Variants in KALRN observed in about 807,000 individuals in gnomAD.
KALRN encodes the protein kalirin RhoGEF kinase.
Under a neutral mutation model 353.7 loss-of-function variants are expected in KALRN, and 70 were observed. The ratio of observed to expected loss-of-function variants is 0.20; its 90% confidence interval spans 0.16 to 0.24. The LOEUF (loss-of-function observed/expected upper bound fraction) is 0.24, where lower values mean the gene tolerates loss of function less well. Ranked by LOEUF, KALRN falls within the 10% of genes least tolerant of loss-of-function variation. The probability of loss-of-function intolerance (pLI) is 1.00; values close to 1 mark genes in which losing one functional copy is unlikely to be tolerated. For missense variants in KALRN, 2,791 were observed against 3,756.7 expected (o/e 0.74, Z 6.72); for synonymous variants, 1,391 against 1,434.8 (o/e 0.97, Z 0.69).
At chr3:124,368,742 A>G (rs2085378378) in intron 10 of KALRN, among the ~76,000 whole-genome samples, 2 of 150,284 alleles carry the variant, frequency 1.3e-5, no homozygotes, top group African/African-American at 4.9e-5. Context: ...GTGAGCCGAG[A>G]TCACGCCACT....
At chr3:124,489,990 A>G (rs556717279) in intron 29 of KALRN, among the ~76,000 whole-genome samples, 1 of 152,368 alleles carries the variant, frequency 6.6e-6, no homozygotes, top group Admixed American at 6.5e-5. Context: ...AAGGTAGGTC[A>G]GGCACAGTGG....
rs76182557 is a variant in KALRN, at chr3:124,467,218, C to T, written c.4031+4585C>T. Among the ~76,000 whole-genome samples the T allele has an allele frequency of 4.9e-3, 752 of 152,286 alleles. 5 individuals are homozygous for T. Among genetic ancestry groups the T allele is most frequent in the African/African-American group, 0.017 (716 of 41,552 alleles). ...GCCAGGAGCAGTGAGGGGTGAGCAG[C>T]AGGGGTAAAATCGAGGCTGGGGAAT... On this transcript the variant is annotated intron_variant, in intron 25 of 59. Transcript: ENST00000682506.
At chr3:124,522,376 A>C (rs2067235901) in intron 33 of KALRN, among the ~76,000 whole-genome samples, 1 of 152,114 alleles carries the variant, frequency 6.6e-6, no homozygotes, top group East Asian at 1.9e-4. Context: ...TAAGTGTGAC[A>C]GTGCATTTGA....
chr3:124,067,886 GAC>G (rs775817411), intron 1 of KALRN, among the ~76,000 whole-genome samples: 1 of 152,250 alleles, frequency 6.6e-6, no homozygotes, highest in Non-Finnish European at 1.5e-5. Flanking sequence ...AGGATGTGAA[GAC>G]ACAGTTTGAG....
At chr3:124,607,006 A>G (rs999493424) in intron 34 of KALRN, among the ~76,000 whole-genome samples, 1 of 152,360 alleles carries the variant, frequency 6.6e-6, no homozygotes, top group South Asian at 2.1e-4. Context: ...CTTCAGGGCC[A>G]TTTGGCAAAA....
intron 1 of KALRN, among the ~76,000 whole-genome samples, chr3:124,184,861 T>G (rs2074026555): frequency 1.3e-5 from 2 of 152,222 alleles, no homozygotes; most frequent in African/African-American, 4.8e-5. Context: ...AGTAATAGTA[T>G]GTCTTAGACA....
intron 1 of KALRN, among the ~76,000 whole-genome samples, chr3:124,168,534 C>T (rs2071233631): frequency 6.6e-6 from 1 of 152,138 alleles, no homozygotes; most frequent in African/African-American, 2.4e-5. Flanking sequence ...ATTGGGAGGG[C>T]CTGGATCAGT....
chr3:124,679,913 C>G (rs912099952), intron 51 of KALRN, among the ~76,000 whole-genome samples: 4 of 152,176 alleles, frequency 2.6e-5, no homozygotes, highest in Non-Finnish European at 4.4e-5. Flanking sequence ...TAGTTTCTCC[C>G]GCTTTTGTTT....
chr3:124,696,367 C>A, intron 54 of KALRN, 112 bp downstream of exon 54: 2 of 956,934 alleles, frequency 2.1e-6, no homozygotes, highest in Non-Finnish European at 1.5e-6. Context: ...ACCTCCCAGG[C>A]TCAAGCACTC....
At position 124,044,827 on chromosome 3, in the gene KALRN, TTCCTTCCCTCCCTCCC is replaced by T. The variant is rs139692499; in HGVS notation, c.73+11018_73+11033del. ...TCATGAACACTGATTCCTTCCTTCC[TTCCTTCCCTCCCTCCC>T]TCCCTCCCTCCCTCCCTCCTTCCTT... On this transcript the variant is annotated intron_variant, in intron 1 of 59. Coordinates refer to ENST00000682506, the MANE Select transcript of KALRN (RefSeq NM_001388419.1). Among the ~76,000 whole-genome samples the T allele has an allele frequency of 5.0e-3, 458 of 91,694 alleles. 15 individuals are homozygous for T. Among genetic ancestry groups the T allele is most frequent in the South Asian group, 0.01 (20 of 1,956 alleles). 60.2% of individuals were successfully genotyped at this position (91,694 alleles called of 152,430 possible).
chr3:124,371,575 A>G (rs113454204), intron 10 of KALRN, among the ~76,000 whole-genome samples: 3,000 of 152,184 alleles, frequency 0.02, 98 homozygotes, highest in African/African-American at 0.068. Context: ...CTTTCTTCTT[A>G]CAAAAATAAG....
Position 124,723,382 on chromosome 3 carries a change from T to G in KALRN, c.*3912T>G, listed in dbSNP as rs140629633. The G allele has an allele frequency of 1.9e-3, 286 of 152,316 alleles. No individual in the cohort carries two copies. The highest frequency in any genetic ancestry group is 6.5e-3 in the African/African-American group (269 of 41,576). The allele number at this position is 152,316 out of a possible 1,614,324, so 9.4% of individuals were successfully genotyped here. A position where few individuals can be genotyped will look rare whatever the true frequency, so the allele number is the denominator to read the frequency against. ...AAGTCTTTGTTTTTCCTTCCCCAAA[T>G]GTCCCCATTGGTAAAATGGGAGTTG... is the stretch of plus-strand genomic sequence containing the variant. On this transcript the variant is annotated 3_prime_UTR_variant, in exon 60 of 60. Coordinates refer to ENST00000682506, the MANE Select transcript of KALRN (RefSeq NM_001388419.1).
intron 6 of KALRN, among the ~76,000 whole-genome samples, chr3:124,312,700 C>T (rs571489786): frequency 2.6e-5 from 4 of 152,334 alleles, no homozygotes; most frequent in Non-Finnish European, 5.9e-5. Context: ...ATTCAACAAA[C>T]TTTTGCTGTC....
intron 33 of KALRN, among the ~76,000 whole-genome samples, chr3:124,544,411 A>G (rs1167559423): frequency 6.6e-6 from 1 of 152,116 alleles, no homozygotes; most frequent in Admixed American, 6.5e-5. Flanking sequence ...AAATACAAAA[A>G]TGAGTCAGGC....
chr3:124,299,810 A>G, intron 6 of KALRN, among the ~76,000 whole-genome samples: 1 of 152,170 alleles, frequency 6.6e-6, no homozygotes, highest in East Asian at 1.9e-4. Flanking sequence ...TAAACCTAAC[A>G]CTTCGGGATA....
intron 1 of KALRN, among the ~76,000 whole-genome samples, chr3:124,065,692 G>A (rs2042298487): frequency 6.6e-6 from 1 of 150,778 alleles, no homozygotes; most frequent in African/African-American, 2.4e-5. Context: ...GGCCCAAATC[G>A]TGGCATGTGG....
chr3:124,268,838 G>A lies in KALRN; in HGVS notation c.552G>A (p.Glu184=), dbSNP rs763739407. ...FDGSLDYNHE[E]WIELRLSLEE... Reference sequence around the variant, plus strand: ...GCTCCCTGGACTACAACCATGAGGAGTGGATCGAACTGCGGCTCTCCCTGG... The same window carrying A: ...GCTCCCTGGACTACAACCATGAGGAATGGATCGAACTGCGGCTCTCCCTGG... Residue 184 remains glutamate, a synonymous_variant, in exon 5 of 60, where the codon GAG becomes GAA. Transcript: ENST00000682506. 1.9e-6 allele frequency: 3 copies of A among 1,614,054 alleles called. No homozygotes were observed. Among genetic ancestry groups the A allele is most frequent in the South Asian group, 2.2e-5 (2 of 91,084 alleles).
At chr3:124,222,146 G>T (rs2077987670) in intron 1 of KALRN, among the ~76,000 whole-genome samples, 1 of 152,182 alleles carries the variant, frequency 6.6e-6, no homozygotes, top group South Asian at 2.1e-4. Flanking sequence ...AGGGCTCTGA[G>T]GGTAGGAAGG....
intron 1 of KALRN, among the ~76,000 whole-genome samples, chr3:124,195,807 C>A (rs1348856164): frequency 2.0e-5 from 3 of 152,206 alleles, no homozygotes; most frequent in African/African-American, 7.2e-5. Context: ...CAAAGGCCTG[C>A]CTACCTGCCA....
Sources: allele counts gnomAD v4.1 joint callset (sites outside exome capture counted in the v4.1 genomes callset), GRCh38; gene constraint gnomAD v4.1.1; transcripts MANE v1.5; gene names NCBI Gene and HGNC (gene_info 2026-07-23, HGNC 2026-07-21).